Variants in TRAF6 observed in about 807,000 individuals in gnomAD.
TRAF6 encodes the protein TNF receptor associated factor 6, also known as TNF receptor-associated factor 6.
In TRAF6, 10 loss-of-function variants were observed where a neutral mutation model predicts 48.4. The observed-to-expected ratio is 0.21, with a 90% confidence interval of 0.13 to 0.35. The LOEUF is 0.35. TRAF6 is among the 10% of genes least tolerant of loss of function. The probability of loss-of-function intolerance (pLI) is 1.00; values close to 1 mark genes in which losing one functional copy is unlikely to be tolerated. For missense variants in TRAF6, 397 were observed against 661.0 expected (o/e 0.60, Z 4.38); for synonymous variants, 186 against 219.6 (o/e 0.85, Z 1.35).
At chr11:36,494,914 A>G (rs1237818773) in intron 5 of TRAF6, 62 bp downstream of exon 5, 24 of 1,229,306 alleles carry the variant, frequency 2.0e-5, no homozygotes, top group Middle Eastern at 1.9e-4. Flanking sequence ...TTTCAATTAA[A>G]AAACCTAATT....
In TRAF6 at chr11:36,494,998, T is replaced by C. The variant is rs765675724; in HGVS notation, c.656A>G (p.Asn219Ser). 3 of 1,605,132 alleles carry C rather than the reference T, an allele frequency of 1.9e-6. No individual in the cohort carries two copies. The highest frequency in any genetic ancestry group is 1.3e-5 in the African/African-American group (1 of 74,736). ...PLANVICEYCNTILIREQMPN... is the reference protein window; with the variant it reads ...PLANVICEYCSTILIREQMPN... ...TACCTGTTCTCTGATGAGTATAGTA[T>C]TGCAGTATTCACAGATGACATTTGC... The change falls in exon 5 of 7, where the codon AAT becomes AGT. Residue 219 changes from asparagine to serine, a missense_variant. Transcript: ENST00000526995.
At chr11:36,499,736 G>A (rs1243492875) in intron 2 of TRAF6, among the ~76,000 whole-genome samples, 1 of 151,938 alleles carries the variant, frequency 6.6e-6, no homozygotes, top group East Asian at 1.9e-4. Context: ...CAAGTCCCGA[G>A]TATGGATGTA....
In TRAF6 at chr11:36,498,323, T is replaced by C. The variant is rs187242459; in HGVS notation, c.447+167A>G. Among the ~76,000 whole-genome samples, 25 of 152,338 alleles carry C rather than the reference T, an allele frequency of 1.6e-4. No homozygotes were observed. The East Asian group carries it at 3.7e-3, about 22-fold the overall frequency. ...AAACAGTATATTTCTGGTTTCTACT[T>C]ACATTTATATTCAATAATTAAAGGG... On this transcript the variant is annotated intron_variant, in intron 3 of 6. Transcript: ENST00000526995.
chr11:36,497,239 G>A lies in TRAF6; in HGVS notation c.475C>T (p.Leu159Phe), dbSNP rs759073172. ...EDHQAHCEFA[L>F]MDCPQCQRPF... The stretch of plus-strand genomic sequence containing the variant: ...CGCTGGCATTGGGGACAATCCATAA[G>A]AGCAAACTCACAATGTGCTTGATGA... The change falls in exon 4 of 7, where the codon CTT becomes TTT. Residue 159 changes from leucine to phenylalanine, a missense_variant. Physicochemically the swap from Leu to Phe is conservative, Grantham distance 22 (BLOSUM62 0). Coordinates refer to ENST00000526995, the MANE Select transcript of TRAF6 (RefSeq NM_004620.4). 27 of 1,611,312 alleles carry A rather than the reference G, an allele frequency of 1.7e-5. No homozygotes were observed. The African/African-American group carries it at 3.2e-4, about 19-fold the overall frequency.
chr11:36,510,244 C>G lies in TRAF6; in HGVS notation c.-219G>C, dbSNP rs575225339. On this transcript the variant is annotated 5_prime_UTR_variant, in exon 1 of 7. Transcript: ENST00000526995. ...CCGCCCGCAGGCCAAGCCCCAGCTG[C>G]GGACGCCACTGCTTCCGCCTTCTCT... The G allele has an allele frequency of 6.6e-6, 1 of 152,276 alleles. No homozygotes were observed. Among genetic ancestry groups the G allele is most frequent in the South Asian group, 2.1e-4 (1 of 4,812 alleles). 9.4% of individuals were successfully genotyped at this position (152,276 alleles called of 1,614,324 possible). A position where few individuals can be genotyped will look rare whatever the true frequency, so the allele number is the denominator to read the frequency against.
rs1395160710 is a variant in TRAF6 at position 36,496,077 on chromosome 11, T to C, written c.607-1030A>G. On this transcript the variant is annotated intron_variant, in intron 4 of 6. Transcript: ENST00000526995. ...TTATAAAAACTATAGTTTAAGGAAG[T>C]ATCTAAGTAACAGAATAAAAACATA... is the stretch of plus-strand genomic sequence containing the variant. 2.6e-5 allele frequency among the ~76,000 whole-genome samples: 4 copies of C among 152,170 alleles called. No homozygotes were observed. The South Asian group carries it at 8.3e-4, about 31-fold the overall frequency.
Position 36,490,026 on chromosome 11 carries a change from G to A in TRAF6, c.1381C>T (p.Arg461Ter). 6.2e-7 allele frequency: 1 copy of A among 1,614,164 alleles called. No homozygotes were observed. Residue 461 changes from arginine to a stop codon, truncating the protein, a stop_gained, in exon 7 of 7, where the codon CGA (arginine) becomes TGA (stop). Coordinates refer to ENST00000526995, the MANE Select transcript of TRAF6 (RefSeq NM_004620.4). LOFTEE classifies it high-confidence loss of function. This position sits in a 1 kb window ranked among gnomAD's most constrained non-coding sequence, Gnocchi z 6.4. ...TTTGGGTTCCGTGGGATTGTGGGTCGCTGGAAAGCAAGCAGCTCTGGTTTG... is the reference window on the plus strand; with the variant it reads ...TTTGGGTTCCGTGGGATTGTGGGTCACTGGAAAGCAAGCAGCTCTGGTTTG... ...DAKPELLAFQ[R>*]PTIPRNPKGF...
intron 1 of TRAF6, among the ~76,000 whole-genome samples, chr11:36,502,413 A>C (rs1429324188): frequency 6.6e-6 from 1 of 152,218 alleles, no homozygotes; most frequent in Non-Finnish European, 1.5e-5. Flanking sequence ...ACAGGCGAGA[A>C]GCTAATATTT....
intron 1 of TRAF6, among the ~76,000 whole-genome samples, chr11:36,503,361 C>A (rs1859743194): frequency 6.7e-6 from 1 of 149,764 alleles, no homozygotes; most frequent in Non-Finnish European, 1.5e-5. Flanking sequence ...ATGGCACGAT[C>A]TCGACTCACT....
intron 2 of TRAF6, 55 bp downstream of exon 2, chr11:36,501,165 T>A (rs1207166755): frequency 1.6e-5 from 23 of 1,458,588 alleles, no homozygotes; most frequent in Admixed American, 2.3e-5. Flanking sequence ...TATGTAACAA[T>A]GTTCTCTGCA....
intron 1 of TRAF6, among the ~76,000 whole-genome samples, chr11:36,509,086 C>G (rs1329038375): frequency 6.6e-6 from 1 of 152,170 alleles, no homozygotes; most frequent in East Asian, 1.9e-4. Context: ...TCTCCCTTCC[C>G]TAGTAATCAA....
At chr11:36,499,708 T>C (rs573511974) in intron 2 of TRAF6, among the ~76,000 whole-genome samples, 2 of 152,342 alleles carry the variant, frequency 1.3e-5, no homozygotes, top group South Asian at 2.1e-4. Flanking sequence ...ACATTATCTT[T>C]TGTGATTTAA....
At position 36,484,642 on chromosome 11, in the gene TRAF6, T is replaced by TG. The variant is rs11445585; in HGVS notation, c.*5195dup. 0.75 allele frequency among the ~76,000 whole-genome samples: 114,575 copies of TG among 152,128 alleles called. 45,069 individuals carry two copies. Among genetic ancestry groups the TG allele is most frequent in the East Asian group, 0.94 (4,872 of 5,178 alleles). On this transcript the variant is annotated 3_prime_UTR_variant, in exon 7 of 7. Coordinates refer to ENST00000526995, the MANE Select transcript of TRAF6 (RefSeq NM_004620.4). ...AAAAGGACACGAAGACAAAACTGAT[T>TG]GACCCATGGTCAGTCAGGAGAAAAT...
intron 1 of TRAF6, among the ~76,000 whole-genome samples, chr11:36,503,729 C>T (rs1373471180): frequency 6.6e-6 from 1 of 152,204 alleles, no homozygotes; most frequent in Admixed American, 6.5e-5. Context: ...CAGAACTAGT[C>T]ACTACAGCTG....
At chr11:36,494,911 T>TA in intron 5 of TRAF6, 65 bp downstream of exon 5, 10 of 1,206,248 alleles carry the variant, frequency 8.3e-6, no homozygotes, top group Admixed American at 2.1e-5. Flanking sequence ...AATTTTCAAT[T>TA]AAAAAACCTA....
Position 36,489,502 on chromosome 11 carries a change from C to A in TRAF6, c.*336G>T, listed in dbSNP as rs1859531949. ...ATCCATTATTATTAAAAGTTTAGTA[C>A]TCTTGAGTCTGGACTTTCTGACAAT... On this transcript the variant is annotated 3_prime_UTR_variant, in exon 7 of 7. Coordinates refer to ENST00000526995, the MANE Select transcript of TRAF6 (RefSeq NM_004620.4). The A allele has an allele frequency of 4.0e-6, 1 of 248,248 alleles. No homozygotes were observed. The highest frequency in any genetic ancestry group is 9.1e-5 in the South Asian group (1 of 11,028). 15.4% of individuals were successfully genotyped at this position (248,248 alleles called of 1,614,324 possible). A position where few individuals can be genotyped will look rare whatever the true frequency, so the allele number is the denominator to read the frequency against.
In TRAF6 at chr11:36,485,096, G is replaced by A. The variant is rs982114410; in HGVS notation, c.*4742C>T. On this transcript the variant is annotated 3_prime_UTR_variant, in exon 7 of 7. Transcript: ENST00000526995. ...TCATTAAAAGTAACATCTATCAAGT[G>A]ATAAAGCAAATGTAACATAATATTA... is the stretch of plus-strand genomic sequence containing the variant. Among the ~76,000 whole-genome samples the A allele has an allele frequency of 8.6e-5, 13 of 151,676 alleles. No homozygotes were observed. Among genetic ancestry groups the A allele is most frequent in the Admixed American group, 3.9e-4 (6 of 15,248 alleles).
At position 36,485,308 on chromosome 11, in the gene TRAF6, T is replaced by C. The variant is rs567194594; in HGVS notation, c.*4530A>G. ...AACTGCTGCTTTCAATAAATGTTCA[T>C]TATTACGTATTTGAGTGTGTGCAAC... On this transcript the variant is annotated 3_prime_UTR_variant, in exon 7 of 7. Coordinates refer to ENST00000526995, the MANE Select transcript of TRAF6 (RefSeq NM_004620.4). Among the ~76,000 whole-genome samples the C allele has an allele frequency of 1.6e-4, 25 of 152,254 alleles. No individual in the cohort carries two copies. In the East Asian group the frequency reaches 3.7e-3, roughly 22 times the overall value.
intron 4 of TRAF6, among the ~76,000 whole-genome samples, chr11:36,495,494 C>T (rs1191474619): frequency 6.6e-6 from 1 of 152,114 alleles, no homozygotes; most frequent in Non-Finnish European, 1.5e-5. Flanking sequence ...TTCTCATATG[C>T]CCCAGAAGGG....
Sources: allele counts gnomAD v4.1 joint callset (sites outside exome capture counted in the v4.1 genomes callset), GRCh38; gene constraint gnomAD v4.1.1; non-coding constraint Gnocchi (gnomAD v3.1); transcripts MANE v1.5; gene names NCBI Gene and HGNC (gene_info 2026-07-23, HGNC 2026-07-21).